Variants in DCC observed in about 807,000 individuals in gnomAD.
DCC encodes the protein DCC netrin 1 receptor.
Under a neutral mutation model 172.5 loss-of-function variants are expected in DCC, and 58 were observed. The ratio of observed to expected loss-of-function variants is 0.34; its 90% confidence interval spans 0.27 to 0.42. The LOEUF is 0.42. Ranked by LOEUF, DCC falls within the 10% of genes least tolerant of loss-of-function variation. The pLI is 1.00. For synonymous variants in DCC, 709 were observed against 644.5 expected, an observed-to-expected ratio of 1.10 and a Z score of -1.52; for missense variants, 1,740 against 1,791.0, an observed-to-expected ratio of 0.97 and a Z score of 0.51.
intron 14 of DCC, among the ~76,000 whole-genome samples, chr18:53,338,579 C>A (rs530378528): frequency 1.1e-4 from 16 of 152,030 alleles, no homozygotes; most frequent in Admixed American, 8.5e-4. Flanking sequence ...CTAGCCTGGG[C>A]GACAGAGTGA....
At chr18:53,070,569 T>A (rs1402469913) in intron 7 of DCC, among the ~76,000 whole-genome samples, 1 of 152,188 alleles carries the variant, frequency 6.6e-6, no homozygotes, top group Non-Finnish European at 1.5e-5. Flanking sequence ...TTTAGGTCTA[T>A]GTGACCATAA....
intron 1 of DCC, among the ~76,000 whole-genome samples, chr18:52,625,136 AG>A (rs2034550488): frequency 6.6e-6 from 1 of 152,182 alleles, no homozygotes; most frequent in Non-Finnish European, 1.5e-5. Context: ...AACATAGAAA[AG>A]GTACTGTAAA....
At chr18:53,246,939 T>C (rs1020916849) in intron 12 of DCC, among the ~76,000 whole-genome samples, 1 of 152,074 alleles carries the variant, frequency 6.6e-6, no homozygotes, top group Non-Finnish European at 1.5e-5. Context: ...TAGTATAGCC[T>C]ATAAATGATG....
intron 1 of DCC, among the ~76,000 whole-genome samples, chr18:52,449,487 G>A (rs2144512877): frequency 6.6e-6 from 1 of 152,328 alleles, no homozygotes; most frequent in African/African-American, 2.4e-5. Context: ...ATTCTGAGTT[G>A]CAGTTACAGT....
At chr18:53,300,002 G>T (rs1383131811) in intron 12 of DCC, among the ~76,000 whole-genome samples, 1 of 152,166 alleles carries the variant, frequency 6.6e-6, no homozygotes, top group East Asian at 1.9e-4. Context: ...ACAAATAGTA[G>T]TTAAGAGTGG....
rs201337705 is a variant in DCC at position 53,184,002 on chromosome 18, T to TA, written c.1573+4906dup. Among the ~76,000 whole-genome samples the TA allele has an allele frequency of 5.1e-3, 710 of 138,442 alleles. 4 individuals are homozygous for TA. Among genetic ancestry groups the TA allele is most frequent in the South Asian group, 0.02 (84 of 4,134 alleles). 90.8% of individuals were successfully genotyped at this position (138,442 alleles called of 152,430 possible). ...ACTGGGTCTTGCCTGGCATCTCATT[T>TA]AAAAAAAAAAAAAAAAAAAACTCCC... On this transcript the variant is annotated intron_variant, in intron 9 of 28. Coordinates refer to ENST00000442544, the MANE Select transcript of DCC (RefSeq NM_005215.4).
chr18:52,874,919 G>A (rs986170647), intron 2 of DCC, among the ~76,000 whole-genome samples: 1 of 152,134 alleles, frequency 6.6e-6, no homozygotes, highest in Non-Finnish European at 1.5e-5. Flanking sequence ...GCAGGGAAGG[G>A]TGAACAGTGT....
intron 1 of DCC, among the ~76,000 whole-genome samples, chr18:52,671,258 G>A (rs1470647787): frequency 2.0e-5 from 3 of 152,076 alleles, no homozygotes; most frequent in Non-Finnish European, 2.9e-5. Flanking sequence ...AGGAACTCAC[G>A]GTCACCAATT....
chr18:53,436,121 C>T (rs902365996), intron 22 of DCC, among the ~76,000 whole-genome samples: 2 of 152,154 alleles, frequency 1.3e-5, no homozygotes, highest in Non-Finnish European at 2.9e-5. Context: ...GTTCCTCACT[C>T]TGATATAAGT....
intron 5 of DCC, among the ~76,000 whole-genome samples, chr18:53,029,010 T>C (rs1046633794): frequency 3.3e-5 from 5 of 152,312 alleles, no homozygotes; most frequent in South Asian, 4.1e-4. Context: ...TTACAACTAA[T>C]TCACAAAGAG....
At chr18:52,672,961 GT>G (rs1418243275) in intron 1 of DCC, among the ~76,000 whole-genome samples, 6 of 152,152 alleles carry the variant, frequency 3.9e-5, no homozygotes, top group Non-Finnish European at 7.3e-5. Context: ...TACTTGGGAG[GT>G]TAAAGTGGGA....
At chr18:52,753,900 T>C (rs552435357) in intron 2 of DCC, among the ~76,000 whole-genome samples, 99 of 152,014 alleles carry the variant, frequency 6.5e-4, no homozygotes, top group African/African-American at 2.3e-3. Context: ...AAACCTGTCT[T>C]TTTTTTTAAC....
chr18:52,792,666 A>G (rs1316355879), intron 2 of DCC, among the ~76,000 whole-genome samples: 1 of 151,646 alleles, frequency 6.6e-6, no homozygotes, highest in African/African-American at 2.4e-5. Flanking sequence ...AATGGCAGGC[A>G]TGCTAATGGT....
chr18:52,411,442 A>T (rs1243154496), intron 1 of DCC, among the ~76,000 whole-genome samples: 3 of 152,174 alleles, frequency 2.0e-5, no homozygotes, highest in Non-Finnish European at 4.4e-5. Flanking sequence ...TGAGGCAACC[A>T]GTGCTCTCTG....
chr18:52,843,438 C>T (rs2038838664), intron 2 of DCC, among the ~76,000 whole-genome samples: 1 of 151,970 alleles, frequency 6.6e-6, no homozygotes, highest in Admixed American at 6.6e-5. Context: ...CAGAGAAATA[C>T]AAAGATTGAA....
intron 5 of DCC, among the ~76,000 whole-genome samples, chr18:52,953,754 A>G (rs2040695978): frequency 6.6e-6 from 1 of 152,192 alleles, no homozygotes; most frequent in South Asian, 2.1e-4. Flanking sequence ...GATTGATCTA[A>G]AGGGCTCAAA....
chr18:52,733,848 C>T (rs1182084500), intron 1 of DCC, among the ~76,000 whole-genome samples: 1 of 151,990 alleles, frequency 6.6e-6, no homozygotes, highest in East Asian at 1.9e-4. Flanking sequence ...GGGTAAACAA[C>T]ATTAAGATGA....
rs117725412 is a variant in DCC at position 53,195,595 on chromosome 18, A to G, written c.1574-9621A>G. The stretch of plus-strand genomic sequence containing the variant: ...TCATATCTGAAGCCTTCCACGAGGT[A>G]TAGGGTCGTTTTTGTCTCCATTTCC... On this transcript the variant is annotated intron_variant, in intron 9 of 28. Coordinates refer to ENST00000442544, the MANE Select transcript of DCC (RefSeq NM_005215.4). Among the ~76,000 whole-genome samples, 840 of 152,264 alleles carry G rather than the reference A, an allele frequency of 5.5e-3. 2 individuals are homozygous for G. The highest frequency in any genetic ancestry group is 0.011 in the Admixed American group (165 of 15,304).
chr18:53,110,111 G>A (rs146793637), intron 7 of DCC, among the ~76,000 whole-genome samples: 1 of 151,576 alleles, frequency 6.6e-6, no homozygotes, highest in Admixed American at 6.6e-5. Context: ...TCATACTTAT[G>A]CAGAAGAGAT....
Sources: gnomAD v4.1 joint callset for allele counts (sites outside exome capture counted in the v4.1 genomes callset) on GRCh38, gnomAD v4.1.1 for gene constraint, MANE v1.5 for transcripts, NCBI Gene and HGNC (gene_info 2026-07-23, HGNC 2026-07-21) for gene names.